The following PLCL2 variants were observed in gnomAD, a reference collection of about 807,000 sequenced individuals.
PLCL2 encodes phospholipase C like 2.
PLCL2 carries 4 observed loss-of-function variants against 79.6 expected under a neutral mutation model. The ratio of observed to expected loss-of-function variants is 0.05; its 90% CI spans 0.02 to 0.11. The LOEUF (loss-of-function observed/expected upper bound fraction) is 0.11, where lower values mean the gene tolerates loss of function less well. Among genes scored for constraint, PLCL2 ranks in the 10% least tolerant of loss-of-function variants. The probability of loss-of-function intolerance (pLI) is 1.00; values close to 1 mark genes in which losing one functional copy is unlikely to be tolerated. For missense variants in PLCL2, 895 were observed against 1,291.0 expected (o/e 0.69, Z 4.70); for synonymous variants, 484 against 457.7 (o/e 1.06, Z -0.73).
At chr3:17,022,635 C>T (rs541667210) in intron 3 of PLCL2, among the ~76,000 whole-genome samples, 41 of 152,258 alleles carry the variant, frequency 2.7e-4, no homozygotes, top group African/African-American at 8.7e-4. Context: ...CTTCCTTATC[C>T]CCATTTATTC....
chr3:16,980,874 C>T (rs2063986046), intron 1 of PLCL2, among the ~76,000 whole-genome samples: 1 of 152,242 alleles, frequency 6.6e-6, no homozygotes, highest in Admixed American at 6.5e-5. Context: ...GAGACTCCGT[C>T]TGCAATCCCG....
intron 1 of PLCL2, among the ~76,000 whole-genome samples, chr3:16,995,501 C>A (rs985069683): frequency 5.9e-5 from 9 of 152,182 alleles, no homozygotes; most frequent in Admixed American, 4.6e-4. Context: ...CTGATCCTTC[C>A]CCCAGGCTTG....
chr3:16,945,263 TAC>T (rs2063590170), intron 1 of PLCL2, among the ~76,000 whole-genome samples: 5 of 139,558 alleles, frequency 3.6e-5, no homozygotes, highest in Non-Finnish European at 6.5e-5. Flanking sequence ...CACACACACA[TAC>T]ACACACATGC....
At chr3:16,972,529 C>G (rs928549221) in intron 1 of PLCL2, among the ~76,000 whole-genome samples, 1 of 152,004 alleles carries the variant, frequency 6.6e-6, no homozygotes, top group Non-Finnish European at 1.5e-5. Context: ...GTTCAAGTTC[C>G]GAATATCTTT....
chr3:17,062,683 T>C (rs1400116028), intron 4 of PLCL2, among the ~76,000 whole-genome samples: 2 of 152,226 alleles, frequency 1.3e-5, no homozygotes, highest in Non-Finnish European at 2.9e-5. Context: ...TTCAAGATAA[T>C]GTGAACAACT....
chr3:17,070,875 G>A (rs1048377151), intron 5 of PLCL2, among the ~76,000 whole-genome samples: 3 of 152,138 alleles, frequency 2.0e-5, no homozygotes, highest in African/African-American at 7.2e-5. Context: ...CGGAAATGCA[G>A]AGAAGAGGAA....
At chr3:17,060,055 T>C (rs2064933572) in intron 4 of PLCL2, among the ~76,000 whole-genome samples, 1 of 152,160 alleles carries the variant, frequency 6.6e-6, no homozygotes, top group Non-Finnish European at 1.5e-5. Context: ...TCTTTATTTC[T>C]CGGTGAAATG....
intron 3 of PLCL2, among the ~76,000 whole-genome samples, chr3:17,025,228 T>C (rs1160688822): frequency 6.6e-6 from 1 of 152,210 alleles, no homozygotes; most frequent in Non-Finnish European, 1.5e-5. Context: ...GTTCTTGATA[T>C]CCTTCCTTGG....
chr3:16,966,514 A>C (rs1050344617), intron 1 of PLCL2, among the ~76,000 whole-genome samples: 20 of 152,174 alleles, frequency 1.3e-4, no homozygotes. Flanking sequence ...CTTTGGTATC[A>C]GGATGATGTT....
intron 1 of PLCL2, among the ~76,000 whole-genome samples, chr3:16,970,887 T>G (rs2124978758): frequency 6.6e-6 from 1 of 151,556 alleles, no homozygotes; most frequent in Middle Eastern, 3.4e-3. Context: ...TTCATGTCCT[T>G]CGCCCACTTT....
At chr3:16,982,876 A>G in intron 1 of PLCL2, among the ~76,000 whole-genome samples, 1 of 152,224 alleles carries the variant, frequency 6.6e-6, no homozygotes, top group Non-Finnish European at 1.5e-5. Context: ...AAATAAATTT[A>G]CTTTAATTCA....
At chr3:16,964,368 G>A (rs1414187872) in intron 1 of PLCL2, among the ~76,000 whole-genome samples, 1 of 152,116 alleles carries the variant, frequency 6.6e-6, no homozygotes, top group African/African-American at 2.4e-5. Context: ...TTTAATGGCT[G>A]CATAGTATCC....
intron 5 of PLCL2, among the ~76,000 whole-genome samples, chr3:17,073,542 T>C (rs1023143100): frequency 3.3e-5 from 5 of 152,146 alleles, no homozygotes; most frequent in Admixed American, 1.3e-4. Context: ...ACAGTGGAGC[T>C]TGCTACACTG....
intron 1 of PLCL2, among the ~76,000 whole-genome samples, chr3:16,929,070 G>GC (rs1697327976): frequency 1.8e-5 from 2 of 112,810 alleles, no homozygotes; most frequent in Admixed American, 1.7e-4. Flanking sequence ...GGCTTTGAAC[G>GC]TACACCACAG....
chr3:17,018,021 A>G (rs75535571), intron 3 of PLCL2, among the ~76,000 whole-genome samples: 4,386 of 152,178 alleles, frequency 0.029, 235 homozygotes, highest in African/African-American at 0.1. Context: ...GCTCAAGAAG[A>G]CAGGTATCAG....
chr3:16,925,505 A>G (rs1697226372), intron 1 of PLCL2, among the ~76,000 whole-genome samples: 1 of 152,168 alleles, frequency 6.6e-6, no homozygotes, highest in Non-Finnish European at 1.5e-5. Flanking sequence ...ATTGCAGAAC[A>G]CTTTCATGTC....
intron 1 of PLCL2, among the ~76,000 whole-genome samples, chr3:16,916,617 C>T (rs1030860703): frequency 6.6e-6 from 1 of 152,144 alleles, no homozygotes; most frequent in African/African-American, 2.4e-5. Context: ...TGTAAAGAAT[C>T]AGTGGCATTG....
chr3:17,018,191 G>A (rs2064407189), intron 3 of PLCL2, among the ~76,000 whole-genome samples: 1 of 152,144 alleles, frequency 6.6e-6, no homozygotes, highest in African/African-American at 2.4e-5. Context: ...GGCACCTGCT[G>A]AACTTGTGCC....
chr3:17,067,241 T>G (rs1037565205), intron 4 of PLCL2, among the ~76,000 whole-genome samples: 1 of 152,182 alleles, frequency 6.6e-6, no homozygotes, highest in Non-Finnish European at 1.5e-5. Flanking sequence ...TTCAGCGGTC[T>G]TACTATTAGA....
Sources: gnomAD v4.1 joint callset for allele counts (sites outside exome capture counted in the v4.1 genomes callset) on GRCh38, gnomAD v4.1.1 for gene constraint, MANE v1.5 for transcripts, NCBI Gene and HGNC (gene_info 2026-07-23, HGNC 2026-07-21) for gene names.